The following PPP1R37 variants were observed in gnomAD, a reference collection of about 807,000 sequenced individuals.
PPP1R37 encodes leucine rich repeat containing 68.
In PPP1R37, 21 loss-of-function variants were observed where a neutral mutation model predicts 61.0. The observed-to-expected ratio is 0.34, with a 90% confidence interval of 0.24 to 0.50. PPP1R37 has a LOEUF of 0.50. Among genes scored for constraint, PPP1R37 ranks in the 20% least tolerant of loss-of-function variants. The pLI, the probability that PPP1R37 is intolerant of heterozygous loss-of-function variation, is 0.98. For missense variants in PPP1R37, 910 were observed against 952.7 expected, an observed-to-expected ratio of 0.96 and a Z score of 0.59; for synonymous variants, 443 against 433.5, an observed-to-expected ratio of 1.02 and a Z score of -0.27.
At chr19:45,138,640 G>T (rs755210667) in intron 2 of PPP1R37, 29 bp downstream of exon 2, 28 of 1,465,906 alleles carry the variant, frequency 1.9e-5, no homozygotes, top group Middle Eastern at 1.9e-4. Flanking sequence ...GGGTGCGTCC[G>T]GTGTGGGTGT....
At chr19:45,128,899 C>T in intron 1 of PPP1R37, 1 of 681,768 alleles carries the variant, frequency 1.5e-6, no homozygotes, top group South Asian at 1.4e-5. Flanking sequence ...TGCGAGAGGA[C>T]CTTCTTCGTC....
At chr19:45,112,086 A>G (rs11666681) in intron 1 of PPP1R37, among the ~76,000 whole-genome samples, 37,891 of 151,554 alleles carry the variant, frequency 0.25, 5,477 homozygotes, top group Non-Finnish European at 0.33. Context: ...CTCCTGCCTC[A>G]GCCTCCCAAA....
At chr19:45,095,433 G>A (rs894446563) in intron 1 of PPP1R37, among the ~76,000 whole-genome samples, 24 of 148,678 alleles carry the variant, frequency 1.6e-4, no homozygotes, top group Admixed American at 2.6e-4. Context: ...CACCGTGCCC[G>A]GCTGGCTAGT....
At chr19:45,096,350 T>G (rs75896417) in intron 1 of PPP1R37, among the ~76,000 whole-genome samples, 3,497 of 152,146 alleles carry the variant, frequency 0.023, 159 homozygotes, top group African/African-American at 0.079. Flanking sequence ...GGGGTAAAGT[T>G]TCTGGTCTGC....
chr19:45,140,007 G>A (rs929226092), intron 2 of PPP1R37, among the ~76,000 whole-genome samples: 16 of 152,260 alleles, frequency 1.1e-4, no homozygotes, highest in African/African-American at 3.9e-4. Context: ...AGGCCTGCCT[G>A]GCTGCAGTGC....
At chr19:45,131,514 A>G (rs1162308299) in intron 1 of PPP1R37, among the ~76,000 whole-genome samples, 1 of 152,106 alleles carries the variant, frequency 6.6e-6, no homozygotes, top group Non-Finnish European at 1.5e-5. Context: ...CTTCTCCCAG[A>G]TTGCTTCCCT....
intron 3 of PPP1R37, 33 bp downstream of exon 3, chr19:45,140,314 G>A: frequency 2.6e-6 from 4 of 1,530,386 alleles, no homozygotes; most frequent in Non-Finnish European, 3.5e-6. Flanking sequence ...AGAGCCCTTG[G>A]GTCATGGGCA....
In PPP1R37 at chr19:45,140,273, A is replaced by T; in HGVS notation, c.338A>T (p.Asp113Val). 6.5e-7 allele frequency: 1 copy of T among 1,536,060 alleles called. No homozygotes were observed. Among genetic ancestry groups the T allele is most frequent in the Non-Finnish European group, 8.7e-7 (1 of 1,146,844 alleles). The stretch of plus-strand genomic sequence containing the variant: ...CTCGGGCACCGCCTCGACTGTCTGG[A>T]CCTGAAAGGTGTGTGTCTGGCTAGG... The part of the protein sequence containing the change: ...TDLGHRLDCL[D>V]LKGEKLDYKT... The change falls in exon 3 of 13, where the codon GAC becomes GTC. Residue 113 changes from aspartate (D) to valine (V), a missense_variant. Around this residue, in one of 3 missense-constraint regions of PPP1R37, gnomAD observed 280 missense variants for 382.2 expected, o/e 0.73. Coordinates refer to ENST00000221462, the MANE Select transcript of PPP1R37 (RefSeq NM_019121.2).
chr19:45,100,101 C>CT (rs1235988112), intron 1 of PPP1R37: 2 of 152,242 alleles, frequency 1.3e-5, no homozygotes, highest in Non-Finnish European at 2.9e-5. Context: ...GGAGCAGTCA[C>CT]TGAGCACGGA....
At chr19:45,140,463 G>A in intron 3 of PPP1R37, 43 bp from the exon 4 acceptor site, 1 of 1,479,354 alleles carries the variant, frequency 6.8e-7, no homozygotes, top group Non-Finnish European at 9.1e-7. Flanking sequence ...CCATGCAAAG[G>A]TGCACTGTCT....
chr19:45,125,741 G>A (rs1968396887), intron 1 of PPP1R37, among the ~76,000 whole-genome samples: 1 of 152,200 alleles, frequency 6.6e-6, no homozygotes, highest in African/African-American at 2.4e-5. Context: ...GGAGGACAGC[G>A]GGGAGTCAAG....
In PPP1R37 at chr19:45,145,716, G is replaced by A. The variant is rs1393261377; in HGVS notation, c.1660G>A (p.Glu554Lys). Residue 554 changes from glutamate (E) to lysine (K), a missense_variant, in exon 11 of 13, where the codon GAG (glutamate) becomes AAG (lysine). Transcript: ENST00000221462. ...CCCAGGCAGCCCCTCCACACCCACCGAGCAGCGGATTTCCGTGTCCAGCCC... is the reference window on the plus strand; with the variant it reads ...CCCAGGCAGCCCCTCCACACCCACCAAGCAGCGGATTTCCGTGTCCAGCCC... ...SPPGSPSTPT[E>K]QRISVSSPGR... 4 of 1,533,904 alleles carry A rather than the reference G, an allele frequency of 2.6e-6. No individual in the cohort carries two copies. The highest frequency in any genetic ancestry group is 2.4e-5 in the East Asian group (1 of 40,874).
At chr19:45,103,688 C>G (rs1968092775) in intron 1 of PPP1R37, among the ~76,000 whole-genome samples, 3 of 152,160 alleles carry the variant, frequency 2.0e-5, no homozygotes. Context: ...GGAAGTGACT[C>G]TCTGCAGGGG....
At chr19:45,115,321 C>T (rs866712252) in intron 1 of PPP1R37, among the ~76,000 whole-genome samples, 1 of 152,274 alleles carries the variant, frequency 6.6e-6, no homozygotes, top group Non-Finnish European at 1.5e-5. Context: ...TTGGGTGAGG[C>T]ATGGGGTCCA....
intron 5 of PPP1R37, 57 bp downstream of exon 5, chr19:45,141,498 A>G (rs1968611526): frequency 6.6e-7 from 1 of 1,507,188 alleles, no homozygotes; most frequent in Admixed American, 2.1e-5. Flanking sequence ...ACGGGGAGGC[A>G]CTTTCTCAGG....
chr19:45,105,317 C>A (rs1190895725), intron 1 of PPP1R37, among the ~76,000 whole-genome samples: 1 of 152,156 alleles, frequency 6.6e-6, no homozygotes, highest in Non-Finnish European at 1.5e-5. Context: ...GCAGGACTGG[C>A]AAACAGGCCC....
intron 1 of PPP1R37, among the ~76,000 whole-genome samples, chr19:45,124,099 A>G (rs1253865254): frequency 6.6e-6 from 1 of 152,188 alleles, no homozygotes; most frequent in Non-Finnish European, 1.5e-5. Context: ...CCTAGGACTC[A>G]TAGTCCAGTG....
intron 1 of PPP1R37, among the ~76,000 whole-genome samples, chr19:45,124,478 AG>A (rs2122734052): frequency 6.6e-6 from 1 of 152,138 alleles, no homozygotes; most frequent in East Asian, 1.9e-4. Flanking sequence ...ACAAGGCTGA[AG>A]GGCGGCCCCT....
rs1217933714 is a variant in PPP1R37, at chr19:45,146,018, G to A, written c.1962G>A (p.Glu654=). ...ALPPEPPPGP[E]VKGGSCGLEH... is the part of the protein sequence containing the mutation. ...CCCCTGAGCCGCCCCCGGGGCCTGAGGTCAAGGGGGGCAGCTGCGGCCTGG... is the reference window on the plus strand; with the variant it reads ...CCCCTGAGCCGCCCCCGGGGCCTGAAGTCAAGGGGGGCAGCTGCGGCCTGG... The change falls in exon 11 of 13, where the codon GAG becomes GAA. Residue 654 remains glutamate (E), a synonymous_variant. Coordinates refer to ENST00000221462, the MANE Select transcript of PPP1R37 (RefSeq NM_019121.2). 3.9e-6 allele frequency: 6 copies of A among 1,532,038 alleles called. No homozygotes were observed. The highest frequency in any genetic ancestry group is 2.0e-5 in the Admixed American group (1 of 50,630). The allele number at this position is 1,532,038 out of a possible 1,614,324, so 94.9% of individuals were successfully genotyped here. A position where few individuals can be genotyped will look rare whatever the true frequency, so the allele number is the denominator to read the frequency against.
Sources: allele counts gnomAD v4.1 joint callset (sites outside exome capture counted in the v4.1 genomes callset), GRCh38; gene constraint gnomAD v4.1.1; regional missense constraint gnomAD v4.1.1; transcripts MANE v1.5; gene names NCBI Gene and HGNC (gene_info 2026-07-23, HGNC 2026-07-21).